Variants in AGBL1 observed in about 807,000 individuals in gnomAD.
AGBL1 encodes cytosolic carboxypeptidase 4.
A neutral mutation model predicts 118.9 loss-of-function variants in AGBL1; 130 were observed. The observed-to-expected ratio is 1.09, with a 90% CI of 0.95 to 1.26. The LOEUF is 1.26. Ranked by LOEUF, AGBL1 falls within the 50% of genes most tolerant of loss-of-function variation. The pLI is 0.00. For missense variants in AGBL1, 1,584 were observed against 1,298.1 expected (o/e 1.22, Z -3.38); for synonymous variants, 555 against 478.9 (o/e 1.16, Z -2.08).
At chr15:86,488,745 T>C (rs1168586622) in intron 18 of AGBL1, among the ~76,000 whole-genome samples, 1 of 152,036 alleles carries the variant, frequency 6.6e-6, no homozygotes, top group African/African-American at 2.4e-5. Context: ...ATCGCCCCTC[T>C]CTACCGGGCC....
chr15:86,380,450 C>A (rs2081098714), intron 17 of AGBL1, among the ~76,000 whole-genome samples: 1 of 151,316 alleles, frequency 6.6e-6, no homozygotes, highest in Admixed American at 6.6e-5. Flanking sequence ...TGAGCCCGGC[C>A]CTTTCCTTCC....
intron 22 of AGBL1, among the ~76,000 whole-genome samples, chr15:86,817,844 G>A (rs2078887483): frequency 6.6e-6 from 1 of 152,138 alleles, no homozygotes; most frequent in Non-Finnish European, 1.5e-5. Context: ...GGTCATACTG[G>A]AATAAAAGTA....
chr15:86,372,298 G>T (rs866322408), intron 17 of AGBL1, among the ~76,000 whole-genome samples: 1 of 152,270 alleles, frequency 6.6e-6, no homozygotes, highest in Admixed American at 6.5e-5. Context: ...AATGTAGATT[G>T]TTTCCCCTTC....
chr15:86,897,019 C>A (rs1382064506), intron 22 of AGBL1, among the ~76,000 whole-genome samples: 1 of 152,136 alleles, frequency 6.6e-6, no homozygotes, highest in Non-Finnish European at 1.5e-5. Flanking sequence ...CAGTGTCTTT[C>A]TTTTGCAAAA....
intron 22 of AGBL1, among the ~76,000 whole-genome samples, chr15:86,741,481 A>AAAATAAG (rs966357116): frequency 8.7e-5 from 13 of 150,146 alleles, no homozygotes; most frequent in Non-Finnish European, 1.8e-4. Flanking sequence ...GATTAGAAAG[A>AAAATAAG]AAATAAGCAC....
intron 18 of AGBL1, among the ~76,000 whole-genome samples, chr15:86,483,885 T>C (rs971004969): frequency 6.6e-6 from 1 of 152,140 alleles, no homozygotes; most frequent in Non-Finnish European, 1.5e-5. Context: ...ACTGTTATGA[T>C]CTCCTCAAAT....
At chr15:86,965,080 T>C (rs2081035846) in intron 23 of AGBL1, among the ~76,000 whole-genome samples, 1 of 152,148 alleles carries the variant, frequency 6.6e-6, no homozygotes, top group South Asian at 2.1e-4. Flanking sequence ...TGAACAGTGC[T>C]GCAATAAACA....
chr15:86,566,440 GC>G (rs749876902), intron 21 of AGBL1, among the ~76,000 whole-genome samples: 14 of 152,124 alleles, frequency 9.2e-5, no homozygotes, highest in Non-Finnish European at 1.9e-4. Flanking sequence ...TACAAAGAGG[GC>G]TGAGAGGAAT....
At position 86,326,659 on chromosome 15, in the gene AGBL1, G is replaced by A. The variant is rs77718372; in HGVS notation, c.2374+31251G>A. Among the ~76,000 whole-genome samples the A allele has an allele frequency of 5.9e-4, 90 of 152,220 alleles. No homozygotes were observed. In the East Asian group the frequency reaches 0.016, roughly 27 times the overall value. ...AATAATTAGAGTATTCAGGATTGAG[G>A]GAGGTATATGTTGCTTGTTGTTGTT... On this transcript the variant is annotated intron_variant, in intron 17 of 22. Coordinates refer to ENST00000614907, the MANE Select transcript of AGBL1 (RefSeq NM_001386094.1).
At chr15:86,312,361 G>A (rs745953580) in intron 17 of AGBL1, 13 of 152,216 alleles carry the variant, frequency 8.5e-5, no homozygotes, top group Non-Finnish European at 1.6e-4. Context: ...GGCGGTAGCT[G>A]GGAGCTCACT....
chr15:86,372,176 C>T (rs1038622323), intron 17 of AGBL1, among the ~76,000 whole-genome samples: 1 of 152,236 alleles, frequency 6.6e-6, no homozygotes, highest in Non-Finnish European at 1.5e-5. Flanking sequence ...TCTGTGCAGA[C>T]TCCATGTTGT....
chr15:86,135,492 C>T (rs1278665189), intron 1 of AGBL1, among the ~76,000 whole-genome samples: 1 of 152,172 alleles, frequency 6.6e-6, no homozygotes, highest in East Asian at 1.9e-4. Flanking sequence ...GAGCTGTGCA[C>T]CTTGTAAACT....
intron 3 of AGBL1, among the ~76,000 whole-genome samples, chr15:86,146,675 A>G (rs2077037769): frequency 1.3e-5 from 2 of 152,224 alleles, no homozygotes; most frequent in Admixed American, 1.3e-4. Flanking sequence ...TAGTGATTAC[A>G]TCACCACAGT....
chr15:86,821,889 A>G (rs972885694), intron 22 of AGBL1, among the ~76,000 whole-genome samples: 1 of 152,174 alleles, frequency 6.6e-6, no homozygotes, highest in Non-Finnish European at 1.5e-5. Flanking sequence ...TGCAGTAACT[A>G]ACTAGGCATG....
At chr15:86,792,903 A>G (rs562987540) in intron 22 of AGBL1, among the ~76,000 whole-genome samples, 1 of 152,266 alleles carries the variant, frequency 6.6e-6, no homozygotes, top group African/African-American at 2.4e-5. Context: ...AAATATAGAT[A>G]TTTGTCTCTT....
intron 19 of AGBL1, among the ~76,000 whole-genome samples, chr15:86,540,511 C>T (rs2083480008): frequency 6.6e-6 from 1 of 152,056 alleles, no homozygotes; most frequent in Admixed American, 6.5e-5. Flanking sequence ...ACGAGAATTG[C>T]TTGAACCTGG....
At position 86,632,905 on chromosome 15, in the gene AGBL1, C is replaced by G. The variant is rs575720007; in HGVS notation, c.2995-41368C>G. ...TGGATAATTTTTGCTTCAAACTAAC[C>G]ATACTTGATTCACTTGCATAGTTCA... is the stretch of plus-strand genomic sequence containing the variant. On this transcript the variant is annotated intron_variant, in intron 21 of 22. Transcript: ENST00000614907. Among the ~76,000 whole-genome samples, 3 of 152,126 alleles carry G rather than the reference C, an allele frequency of 2.0e-5. No individual in the cohort carries two copies. In the East Asian group the frequency reaches 5.8e-4, roughly 29 times the overall value.
At chr15:86,410,788 A>T in intron 18 of AGBL1, among the ~76,000 whole-genome samples, 1 of 118,428 alleles carries the variant, frequency 8.4e-6, no homozygotes, top group Non-Finnish European at 1.7e-5. Flanking sequence ...TTGCAGAGGA[A>T]GAGACAAGGT....
intron 5 of AGBL1, among the ~76,000 whole-genome samples, chr15:86,195,664 TCA>T (rs1328969531): frequency 1.3e-5 from 2 of 152,186 alleles, no homozygotes; most frequent in African/African-American, 4.8e-5. Context: ...CCTGTCACTC[TCA>T]GTGTTCACCA....
Sources: allele counts gnomAD v4.1 joint callset (sites outside exome capture counted in the v4.1 genomes callset), GRCh38; gene constraint gnomAD v4.1.1; transcripts MANE v1.5; gene names NCBI Gene and HGNC (gene_info 2026-07-23, HGNC 2026-07-21).